The following SLC38A3 variants were observed in gnomAD, a reference collection of about 807,000 sequenced individuals.
SLC38A3 encodes the protein sodium-coupled neutral amino acid transporter 3.
Under a neutral mutation model 59.5 loss-of-function variants are expected in SLC38A3, and 17 were observed. That is an observed-to-expected ratio of 0.29 (90% CI 0.20 to 0.43). The LOEUF is 0.43. SLC38A3 is among the 20% of genes least tolerant of loss of function. The pLI, the probability that SLC38A3 is intolerant of heterozygous loss-of-function variation, is 1.00. For missense variants in SLC38A3, 454 were observed against 653.9 expected, an observed-to-expected ratio of 0.69 and a Z score of 3.33; for synonymous variants, 238 against 260.3, an observed-to-expected ratio of 0.91 and a Z score of 0.82.
At chr3:50,211,136 C>G (rs971356103) in intron 1 of SLC38A3, among the ~76,000 whole-genome samples, 2 of 152,216 alleles carry the variant, frequency 1.3e-5, no homozygotes, top group African/African-American at 4.8e-5. Context: ...CTGCTGGCAG[C>G]CTTTCTTATG....
chr3:50,219,382 G>A (rs587712805), intron 14 of SLC38A3, among the ~76,000 whole-genome samples: 2 of 152,200 alleles, frequency 1.3e-5, no homozygotes, highest in African/African-American at 2.4e-5. Flanking sequence ...TGGTAGAGCA[G>A]ACAATTCTGA....
In SLC38A3 at chr3:50,218,676, C is replaced by T; in HGVS notation, c.1120C>T (p.Leu374=). Residue 374 remains leucine (L), a synonymous_variant, in exon 13 of 16, where the codon CTG becomes TTG. Transcript: ENST00000614032. The surrounding 1 kb of genome is among the most constrained non-coding windows in gnomAD (Gnocchi z 5.8). ...VLILCVRVAV[L]TAVTLTVPIV... ...GATCCTGTGTGTGCGCGTGGCCGTG[C>T]TGACAGCAGTCACGCTCACAGTGCC... is the stretch of plus-strand genomic sequence containing the variant. 1.9e-6 allele frequency: 3 copies of T among 1,613,330 alleles called. No individual in the cohort carries two copies. The highest frequency in any genetic ancestry group is 2.5e-6 in the Non-Finnish European group (3 of 1,179,380).
chr3:50,216,241 C>A (rs587626779), intron 7 of SLC38A3, among the ~76,000 whole-genome samples: 2 of 152,250 alleles, frequency 1.3e-5, no homozygotes, highest in Non-Finnish European at 2.9e-5. Context: ...GGGCATCAAA[C>A]GTGTTTTGTG....
chr3:50,213,611 C>T (rs992033942), intron 1 of SLC38A3, among the ~76,000 whole-genome samples: 3 of 152,220 alleles, frequency 2.0e-5, no homozygotes, highest in African/African-American at 7.2e-5. Context: ...GCCCGCCGGG[C>T]GGCTGGGAAC....
At position 50,218,860 on chromosome 3, in the gene SLC38A3, G is replaced by T. The variant is rs773931770; in HGVS notation, c.1218G>T (p.Arg406=). Residue 406 remains arginine, a synonymous_variant, in exon 14 of 16, where the codon CGG becomes CGT. Transcript: ENST00000614032. This position sits in a 1 kb window ranked among gnomAD's most constrained non-coding sequence, Gnocchi z 5.8. ...CAAACCAGGAGTTCAGCTGGCTGCGGCATGTGCTTATTGCCGTTGGCCTGC... is the reference window on the plus strand; with the variant it reads ...CAAACCAGGAGTTCAGCTGGCTGCGTCATGTGCTTATTGCCGTTGGCCTGC... ...LFPNQEFSWL[R]HVLIAVGLLT... 1.2e-6 allele frequency: 2 copies of T among 1,613,340 alleles called. No individual in the cohort carries two copies. Among genetic ancestry groups the T allele is most frequent in the Admixed American group, 1.7e-5 (1 of 59,990 alleles).
chr3:50,209,275 C>T (rs1435389202), intron 1 of SLC38A3, among the ~76,000 whole-genome samples: 1 of 150,290 alleles, frequency 6.7e-6, no homozygotes, highest in Non-Finnish European at 1.5e-5. Flanking sequence ...GCAGCCTGAG[C>T]AAGGAGGGTC....
At position 50,214,620 on chromosome 3, in the gene SLC38A3, C is replaced by G; in HGVS notation, c.184-33C>G. Reference sequence around the variant, plus strand: ...ATGCCCCTGTCCCTTGCTGACTCCTCCCACCCTCCCCGTCCCATTCTGGTG... The same window carrying G: ...ATGCCCCTGTCCCTTGCTGACTCCTGCCACCCTCCCCGTCCCATTCTGGTG... On this transcript the variant is annotated intron_variant, in intron 3 of 15. Transcript: ENST00000614032. The surrounding 1 kb of genome is among the most constrained non-coding windows in gnomAD (Gnocchi z 6.0). 2.7e-6 allele frequency: 4 copies of G among 1,460,968 alleles called. No homozygotes were observed. The highest frequency in any genetic ancestry group is 3.8e-6 in the Non-Finnish European group (4 of 1,050,346). 90.5% of individuals were successfully genotyped at this position (1,460,968 alleles called of 1,614,324 possible).
At chr3:50,219,565 G>T (rs937281456) in intron 14 of SLC38A3, among the ~76,000 whole-genome samples, 1 of 152,208 alleles carries the variant, frequency 6.6e-6, no homozygotes, top group African/African-American at 2.4e-5. Context: ...AAATAACGGA[G>T]AAGCCTTCAA....
chr3:50,210,792 C>A (rs891192785), intron 1 of SLC38A3, among the ~76,000 whole-genome samples: 1 of 152,144 alleles, frequency 6.6e-6, no homozygotes, highest in Non-Finnish European at 1.5e-5. Context: ...ACAAACAGGT[C>A]CCAGGGCAAT....
intron 1 of SLC38A3, among the ~76,000 whole-genome samples, chr3:50,211,894 T>C (rs542620657): frequency 1.3e-5 from 2 of 152,242 alleles, no homozygotes; most frequent in East Asian, 3.9e-4. Context: ...GGCACCCCCA[T>C]CCTCTTTTTT....
intron 1 of SLC38A3, among the ~76,000 whole-genome samples, chr3:50,213,471 C>G (rs1207739476): frequency 6.6e-6 from 1 of 152,216 alleles, no homozygotes; most frequent in African/African-American, 2.4e-5. Context: ...GCGGGAAGGG[C>G]CCAGGTGTCC....
chr3:50,210,573 G>T (rs1321541343), intron 1 of SLC38A3, among the ~76,000 whole-genome samples: 1 of 152,232 alleles, frequency 6.6e-6, no homozygotes, highest in Non-Finnish European at 1.5e-5. Context: ...TGATCCCTGG[G>T]CAGAGAGCTG....
In SLC38A3 at chr3:50,218,304, CT is replaced by C; in HGVS notation, c.971del (p.Leu324ArgfsTer42). 6.2e-7 allele frequency: 1 copy of C among 1,613,614 alleles called. No individual in the cohort carries two copies. The highest frequency in any genetic ancestry group is 8.5e-7 in the Non-Finnish European group (1 of 1,179,528). ...GAAGAAGATGCAGCACATCTCCAAC[CT>C]GTCCATCGCTGTCATGTACATCATG... Reference protein sequence around the residue: ...SKKKMQHISNLSIAVMYIMYF... With the variant: ...SKKKMQHISNXSIAVMYIMYF... On this transcript the variant is annotated frameshift_variant, in exon 12 of 16. Transcript: ENST00000614032. LOFTEE classifies it high-confidence loss of function. The surrounding 1 kb of genome is among the most constrained non-coding windows in gnomAD (Gnocchi z 5.8).
In SLC38A3 at chr3:50,214,412, C is replaced by G. The variant is rs924876703; in HGVS notation, c.112C>G (p.Pro38Ala). The change falls in exon 3 of 16, where the codon CCT becomes GCT. Residue 38 changes from proline (P) to alanine (A), a missense_variant. Pro to Ala is a conservative substitution (Grantham distance 27). Around this residue, in one of 3 missense-constraint regions of SLC38A3, gnomAD observed 390 missense variants for 557.9 expected, o/e 0.70. Transcript: ENST00000614032. The surrounding 1 kb of genome is among the most constrained non-coding windows in gnomAD (Gnocchi z 6.0). ...GACCTGTGCCTACAGGGTCGAGGAC[C>G]CTGCACGGAGCTGTATGGAGGGCAA... The part of the protein sequence containing the change: ...PMAGNQRVED[P>A]ARSCMEGKSF... The G allele has an allele frequency of 2.5e-6, 4 of 1,587,304 alleles. No homozygotes were observed. The highest frequency in any genetic ancestry group is 1.3e-5 in the African/African-American group (1 of 74,260).
At position 50,218,321 on chromosome 3, in the gene SLC38A3, G is replaced by A. The variant is rs1281665821; in HGVS notation, c.987G>A (p.Met329Ile). The A allele has an allele frequency of 2.5e-6, 4 of 1,613,706 alleles. No homozygotes were observed. The highest frequency in any genetic ancestry group is 1.3e-5 in the African/African-American group (1 of 75,022). The change falls in exon 12 of 16, where the codon ATG becomes ATA. Residue 329 changes from methionine (M) to isoleucine (I), a missense_variant. Around this residue, in one of 3 missense-constraint regions of SLC38A3, gnomAD observed 390 missense variants for 557.9 expected, o/e 0.70. Transcript: ENST00000614032. This position sits in a 1 kb window ranked among gnomAD's most constrained non-coding sequence, Gnocchi z 5.8. The stretch of plus-strand genomic sequence containing the variant: ...TCTCCAACCTGTCCATCGCTGTCAT[G>A]TACATCATGTACTTCCTGGCTGCCC... ...QHISNLSIAVMYIMYFLAALF... is the reference protein window; with the variant it reads ...QHISNLSIAVIYIMYFLAALF...
intron 1 of SLC38A3, 99 bp downstream of exon 1, chr3:50,205,447 C>G (rs893788579): frequency 3.3e-5 from 5 of 152,572 alleles, no homozygotes; most frequent in African/African-American, 1.2e-4. Flanking sequence ...GGGCAGCTCT[C>G]CTCTACCGTC....
chr3:50,214,486 G>T lies in SLC38A3; in HGVS notation c.183+3G>T. On this transcript the variant is annotated splice_donor_region_variant and intron_variant, in intron 3 of 15. Transcript: ENST00000614032. This position sits in a 1 kb window ranked among gnomAD's most constrained non-coding sequence, Gnocchi z 6.0. ...GCAAGGAGCCACACTTCACTGACGT[G>T]AGCAGGGCAGCAACGGGTTTTAGGG... 1 of 1,561,728 alleles carries T rather than the reference G, an allele frequency of 6.4e-7. No homozygotes were observed. The highest frequency in any genetic ancestry group is 1.2e-5 in the South Asian group (1 of 84,834).
intron 1 of SLC38A3, among the ~76,000 whole-genome samples, chr3:50,207,044 TG>T (rs1699656578): frequency 6.6e-6 from 1 of 152,226 alleles, no homozygotes; most frequent in African/African-American, 2.4e-5. Context: ...GGACACACCC[TG>T]GAAGTCTGGG....
intron 14 of SLC38A3, among the ~76,000 whole-genome samples, chr3:50,219,170 A>G (rs1699864865): frequency 6.6e-6 from 1 of 152,186 alleles, no homozygotes; most frequent in African/African-American, 2.4e-5. Context: ...GGTGGATCCC[A>G]GGGATCAGAG....
Sources: allele counts gnomAD v4.1 joint callset (sites outside exome capture counted in the v4.1 genomes callset), GRCh38; gene constraint gnomAD v4.1.1; regional missense constraint gnomAD v4.1.1; non-coding constraint Gnocchi (gnomAD v3.1); transcripts MANE v1.5; gene names NCBI Gene and HGNC (gene_info 2026-07-23, HGNC 2026-07-21).